TMEM106B: variants seen among roughly 807,000 people sequenced by gnomAD.
TMEM106B encodes transmembrane protein 106B.
TMEM106B carries 15 observed loss-of-function variants against 31.1 expected under a neutral mutation model. That is an observed-to-expected ratio of 0.48 (90% CI 0.32 to 0.74). TMEM106B has a LOEUF of 0.74. Among genes scored for constraint, TMEM106B ranks in the 30% least tolerant of loss-of-function variants. The pLI, the probability that TMEM106B is intolerant of heterozygous loss-of-function variation, is 0.03. For missense variants in TMEM106B, 283 were observed against 327.3 expected, an observed-to-expected ratio of 0.86 and a Z score of 1.04; for synonymous variants, 126 against 112.5, an observed-to-expected ratio of 1.12 and a Z score of -0.76.
At chr7:12,219,705 A>G (rs1781751033) in intron 3 of TMEM106B, among the ~76,000 whole-genome samples, 1 of 152,156 alleles carries the variant, frequency 6.6e-6, no homozygotes, top group Non-Finnish European at 1.5e-5. Context: ...CATTTCCACA[A>G]AACTGGAAGA....
chr7:12,213,707 T>C (rs987722666), intron 1 of TMEM106B, among the ~76,000 whole-genome samples: 1 of 152,234 alleles, frequency 6.6e-6, no homozygotes, highest in African/African-American at 2.4e-5. Flanking sequence ...CTCTAGTAAA[T>C]GGCTCCTTTG....
chr7:12,219,588 C>A (rs1326036895), intron 3 of TMEM106B, among the ~76,000 whole-genome samples: 2 of 152,098 alleles, frequency 1.3e-5, no homozygotes, highest in Admixed American at 1.3e-4. Flanking sequence ...AAAGCTATAA[C>A]AGGACAGCAT....
At chr7:12,223,129 AGAG>A (rs1781820236) in intron 3 of TMEM106B, among the ~76,000 whole-genome samples, 1 of 152,214 alleles carries the variant, frequency 6.6e-6, no homozygotes, top group Admixed American at 6.5e-5. Flanking sequence ...AACCTTGAAA[AGAG>A]GAAGTTTTTA....
rs1471304204 is a variant in TMEM106B, at chr7:12,232,106, A to G, written c.*131A>G. On this transcript the variant is annotated 3_prime_UTR_variant, in exon 8 of 8. Transcript: ENST00000396668. Reference sequence around the variant, plus strand: ...GTTTACACTTCTAAGAGTACAGTTAAAAGTATGTGGACCTGCAGTTCTTGT... The same window carrying G: ...GTTTACACTTCTAAGAGTACAGTTAGAAGTATGTGGACCTGCAGTTCTTGT... 3.8e-6 allele frequency: 3 copies of G among 779,414 alleles called. No individual in the cohort carries two copies. The African/African-American group carries it at 5.2e-5, about 14-fold the overall frequency. The allele number at this position is 779,414 out of a possible 1,614,324, so 48.3% of individuals were successfully genotyped here.
At chr7:12,224,520 T>G in intron 4 of TMEM106B, 135 bp downstream of exon 4, 1 of 662,602 alleles carries the variant, frequency 1.5e-6, no homozygotes, top group East Asian at 2.8e-5. Flanking sequence ...CTTTTCTGTA[T>G]TGACGTTCTC....
In TMEM106B at chr7:12,214,979, G is replaced by T; in HGVS notation, c.169G>T (p.Asp57Tyr). The T allele has an allele frequency of 6.2e-7, 1 of 1,614,042 alleles. No individual in the cohort carries two copies. Among genetic ancestry groups the T allele is most frequent in the Non-Finnish European group, 8.5e-7 (1 of 1,179,952 alleles). The part of the protein sequence containing the change: ...QFPYVEFTGR[D>Y]SVTCPTCQGT... ...TCCATATGTGGAATTTACAGGAAGAGATAGTGTCACCTGCCCTACTTGTCA... is the reference window on the plus strand; with the variant it reads ...TCCATATGTGGAATTTACAGGAAGATATAGTGTCACCTGCCCTACTTGTCA... The change falls in exon 2 of 8, where the codon GAT becomes TAT. Residue 57 changes from aspartate to tyrosine, a missense_variant. Around this residue, in one of 3 missense-constraint regions of TMEM106B, gnomAD observed 77 missense variants for 89.4 expected, o/e 0.86. Coordinates refer to ENST00000396668, the MANE Select transcript of TMEM106B (RefSeq NM_001134232.2).
At chr7:12,224,427 T>C (rs1167942205) in intron 4 of TMEM106B, 42 bp downstream of exon 4, 8 of 1,535,372 alleles carry the variant, frequency 5.2e-6, no homozygotes, top group Non-Finnish European at 6.3e-6. Context: ...CTTCATTCTT[T>C]TATCCTATTA....
chr7:12,222,047 A>G (rs1031146179), intron 3 of TMEM106B, among the ~76,000 whole-genome samples: 2 of 152,218 alleles, frequency 1.3e-5, no homozygotes, highest in Admixed American at 6.5e-5. Flanking sequence ...AGATTATTAG[A>G]AAATTATATT....
At position 12,212,731 on chromosome 7, in the gene TMEM106B, A is replaced by AT. The variant is rs1781605156; in HGVS notation, c.-3+1306_-3+1307insT. On this transcript the variant is annotated intron_variant, in intron 1 of 7. Transcript: ENST00000396668. ...CCCTTAGTGCATCCAGCACTGGAGC[A>AT]ACACACATTGTACCCACCAAGCAGG... 1.3e-5 allele frequency among the ~76,000 whole-genome samples: 2 copies of AT among 152,192 alleles called. 1 individual carries two copies. The highest frequency in any genetic ancestry group is 4.1e-4 in the South Asian group (2 of 4,834).
Position 12,224,208 on chromosome 7 carries a change from C to A in TMEM106B, c.282-18C>A, listed in dbSNP as rs767854928. 3 of 1,603,656 alleles carry A rather than the reference C, an allele frequency of 1.9e-6. No individual in the cohort carries two copies. The highest frequency in any genetic ancestry group is 2.2e-5 in the East Asian group (1 of 44,652). On this transcript the variant is annotated intron_variant, in intron 3 of 7. Coordinates refer to ENST00000396668, the MANE Select transcript of TMEM106B (RefSeq NM_001134232.2). ...TTTCTGATGCACATGTACTTAAATA[C>A]CCTCTTTTCCTTTTCAGAAAGCTGT...
Position 12,243,140 on chromosome 7 carries a change from T to C in TMEM106B, c.*11165T>C, listed in dbSNP as rs1782262484. 6.6e-6 allele frequency: 1 copy of C among 152,074 alleles called. No individual in the cohort carries two copies. Among genetic ancestry groups the C allele is most frequent in the African/African-American group, 2.4e-5 (1 of 41,452 alleles). The allele number at this position is 152,074 out of a possible 1,614,324, so 9.4% of individuals were successfully genotyped here. On this transcript the variant is annotated 3_prime_UTR_variant, in exon 8 of 8. Coordinates refer to ENST00000396668, the MANE Select transcript of TMEM106B (RefSeq NM_001134232.2). ...ACTTTACCACTAGTGATTTCAATAG[T>C]GGCATTGTCACATGATTCAAGAAGA...
rs1158283311 is a variant in TMEM106B at position 12,238,894 on chromosome 7, G to A, written c.*6919G>A. 6.6e-6 allele frequency: 1 copy of A among 152,200 alleles called. No homozygotes were observed. The highest frequency in any genetic ancestry group is 1.9e-4 in the East Asian group (1 of 5,168). 9.4% of individuals were successfully genotyped at this position (152,200 alleles called of 1,614,324 possible). A position where few individuals can be genotyped will look rare whatever the true frequency, so the allele number is the denominator to read the frequency against. The stretch of plus-strand genomic sequence containing the variant: ...TAGGTAAAAGTTTTAAGGGTCCTAG[G>A]ATTTTCAGGATGGCAAATGAGCATT... On this transcript the variant is annotated 3_prime_UTR_variant, in exon 8 of 8. Transcript: ENST00000396668.
chr7:12,215,951 T>C (rs1350580479), intron 2 of TMEM106B: 2 of 153,212 alleles, frequency 1.3e-5, no homozygotes, highest in Non-Finnish European at 2.9e-5. Context: ...TACTTTATGC[T>C]GTTCTCATTA....
In TMEM106B at chr7:12,211,437, C is replaced by T. The variant is rs1781571233; in HGVS notation, c.-3+12C>T. On this transcript the variant is annotated intron_variant, in intron 1 of 7. Coordinates refer to ENST00000396668, the MANE Select transcript of TMEM106B (RefSeq NM_001134232.2). ...CGCCCCGCGTGCCGGTGAGCGACCCCGGACGTGCAGTCCCCAGGTCCCCTT... is the reference window on the plus strand; with the variant it reads ...CGCCCCGCGTGCCGGTGAGCGACCCTGGACGTGCAGTCCCCAGGTCCCCTT... 6.6e-6 allele frequency: 1 copy of T among 152,506 alleles called. No individual in the cohort carries two copies. The highest frequency in any genetic ancestry group is 2.4e-5 in the African/African-American group (1 of 41,484). 9.4% of individuals were successfully genotyped at this position (152,506 alleles called of 1,614,324 possible).
rs903036785 is a variant in TMEM106B at position 12,241,316 on chromosome 7, T to C, written c.*9341T>C. 6.6e-6 allele frequency: 1 copy of C among 152,266 alleles called. No homozygotes were observed. The highest frequency in any genetic ancestry group is 1.9e-4 in the East Asian group (1 of 5,176). 9.4% of individuals were successfully genotyped at this position (152,266 alleles called of 1,614,324 possible). Reference sequence around the variant, plus strand: ...GTGCAGAACGTGCAGGTTTGTTACATAGGTATACACGTGCCATGTTGGTTT... The same window carrying C: ...GTGCAGAACGTGCAGGTTTGTTACACAGGTATACACGTGCCATGTTGGTTT... On this transcript the variant is annotated 3_prime_UTR_variant, in exon 8 of 8. Coordinates refer to ENST00000396668, the MANE Select transcript of TMEM106B (RefSeq NM_001134232.2).
At position 12,231,042 on chromosome 7, in the gene TMEM106B, C is replaced by T; in HGVS notation, c.633-20C>T. 1 of 1,553,478 alleles carries T rather than the reference C, an allele frequency of 6.4e-7. No homozygotes were observed. The highest frequency in any genetic ancestry group is 1.9e-5 in the Admixed American group (1 of 53,202). On this transcript the variant is annotated intron_variant, in intron 6 of 7. Coordinates refer to ENST00000396668, the MANE Select transcript of TMEM106B (RefSeq NM_001134232.2). ...TAATGTAGTAACTTGCATTTGTTCA[C>T]ATTTTAATTTCTTTAACAGTGATTT...
Position 12,242,655 on chromosome 7 carries a change from T to A in TMEM106B, c.*10680T>A, listed in dbSNP as rs1387715924. On this transcript the variant is annotated 3_prime_UTR_variant, in exon 8 of 8. Transcript: ENST00000396668. ...CTTGTGTATTTTTCAAGTTAAAGGA[T>A]TTCCTAAAAATGCTTATTTGAATAT... 6.6e-6 allele frequency: 1 copy of A among 152,132 alleles called. No homozygotes were observed. The highest frequency in any genetic ancestry group is 1.5e-5 in the Non-Finnish European group (1 of 68,002). 9.4% of individuals were successfully genotyped at this position (152,132 alleles called of 1,614,324 possible). A position where few individuals can be genotyped will look rare whatever the true frequency, so the allele number is the denominator to read the frequency against.
chr7:12,219,255 A>G (rs2128524854), intron 3 of TMEM106B, among the ~76,000 whole-genome samples: 1 of 152,280 alleles, frequency 6.6e-6, no homozygotes, highest in South Asian at 2.1e-4. Context: ...AGATTGACAT[A>G]TTAGGGAGAT....
rs978416365 is a variant in TMEM106B, at chr7:12,241,801, G to A, written c.*9826G>A. ...ATTGCTGGGTCAAATGGTATTTCTG[G>A]TTCTAGATCCTTGAGGAATCACCAC... On this transcript the variant is annotated 3_prime_UTR_variant, in exon 8 of 8. Transcript: ENST00000396668. 1 of 152,020 alleles carries A rather than the reference G, an allele frequency of 6.6e-6. No individual in the cohort carries two copies. Among genetic ancestry groups the A allele is most frequent in the Non-Finnish European group, 1.5e-5 (1 of 68,014 alleles). 9.4% of individuals were successfully genotyped at this position (152,020 alleles called of 1,614,324 possible). A position where few individuals can be genotyped will look rare whatever the true frequency, so the allele number is the denominator to read the frequency against.
Sources: gnomAD v4.1 joint callset for allele counts (sites outside exome capture counted in the v4.1 genomes callset) on GRCh38, gnomAD v4.1.1 for gene constraint, gnomAD v4.1.1 regional missense constraint, MANE v1.5 for transcripts, NCBI Gene and HGNC (gene_info 2026-07-23, HGNC 2026-07-21) for gene names.